The following C1orf94 variants were observed in gnomAD, a reference collection of about 807,000 sequenced individuals.
C1orf94 encodes the protein chromosome 1 open reading frame 94.
C1orf94 carries 45 observed loss-of-function variants against 53.6 expected under a neutral mutation model. The ratio of observed to expected loss-of-function variants is 0.84; its 90% CI spans 0.66 to 1.08. The LOEUF (loss-of-function observed/expected upper bound fraction) is 1.08. C1orf94 is among the 50% of genes least tolerant of loss of function. The pLI, the probability that C1orf94 is intolerant of heterozygous loss-of-function variation, is 0.00. For missense variants in C1orf94, 762 were observed against 738.9 expected, an observed-to-expected ratio of 1.03 and a Z score of -0.36; for synonymous variants, 304 against 296.1, an observed-to-expected ratio of 1.03 and a Z score of -0.27.
chr1:34,194,423 T>C (rs1642547042), intron 1 of C1orf94, among the ~76,000 whole-genome samples: 1 of 152,080 alleles, frequency 6.6e-6, no homozygotes, highest in Admixed American at 6.5e-5. Context: ...ACCTCCCAGG[T>C]GCTGAGAAGG....
upstream of C1orf94, among the ~76,000 whole-genome samples, chr1:34,176,653 C>G (rs1461751124): frequency 1.3e-5 from 2 of 152,036 alleles, no homozygotes; most frequent in African/African-American, 2.4e-5. Context: ...GTACTAATTT[C>G]ACGAGCTTTA....
chr1:34,180,035 A>G (rs1642291493), intron 1 of C1orf94, among the ~76,000 whole-genome samples: 1 of 152,234 alleles, frequency 6.6e-6, no homozygotes, highest in Non-Finnish European at 1.5e-5. Context: ...TATTCTTAAA[A>G]TAAAGGCGGT....
chr1:34,173,173 A>G (rs1286546801), upstream of C1orf94, among the ~76,000 whole-genome samples: 3 of 152,370 alleles, frequency 2.0e-5, no homozygotes, highest in East Asian at 3.8e-4. Context: ...TTCTCACTGC[A>G]CAAGATTTCT....
At chr1:34,213,827 C>T (rs879594311) in intron 6 of C1orf94, among the ~76,000 whole-genome samples, 5 of 152,126 alleles carry the variant, frequency 3.3e-5, no homozygotes, top group Non-Finnish European at 4.4e-5. Flanking sequence ...AGCCATGAGC[C>T]ACCGTGCCCA....
rs559911929 is a variant in C1orf94, at chr1:34,183,150, G to T, written c.320+5041G>T. The stretch of plus-strand genomic sequence containing the variant: ...GTGTGCCATTTACAAAGGTGGGGAA[G>T]AAATGGGGAGCAATGGGTTTTGGGG... On this transcript the variant is annotated intron_variant, in intron 1 of 6. Coordinates refer to ENST00000488417, the MANE Select transcript of C1orf94 (RefSeq NM_001134734.2). Among the ~76,000 whole-genome samples the T allele has an allele frequency of 1.1e-4, 17 of 152,356 alleles. No homozygotes were observed. The East Asian group carries it at 3.3e-3, about 29-fold the overall frequency.
intron 4 of C1orf94, among the ~76,000 whole-genome samples, chr1:34,205,231 G>T (rs553879432): frequency 2.0e-5 from 3 of 152,298 alleles, no homozygotes; most frequent in Non-Finnish European, 4.4e-5. Context: ...GGCTGGTAAG[G>T]CCTGCTGGGT....
At chr1:34,175,561 T>C (rs886222900), upstream of C1orf94, among the ~76,000 whole-genome samples, 1 of 152,148 alleles carries the variant, frequency 6.6e-6, no homozygotes, top group African/African-American at 2.4e-5. Context: ...CAAAGGAGAA[T>C]GAAGCTCAGA....
At position 34,197,312 on chromosome 1, in the gene C1orf94, G is replaced by A; in HGVS notation, c.408G>A (p.Leu136=). ...GCCTCACCAAAGAGCACTCGATCCTGGTCGAAGAGAGTTCTGGGGAGCTGG... is the reference window on the plus strand; with the variant it reads ...GCCTCACCAAAGAGCACTCGATCCTAGTCGAAGAGAGTTCTGGGGAGCTGG... ...FLSLTKEHSI[L]VEESSGELEV... Residue 136 remains leucine (L), a synonymous_variant, in exon 2 of 7, where the codon CTG becomes CTA. Transcript: ENST00000488417. This position sits in a 1 kb window ranked among gnomAD's most constrained non-coding sequence, Gnocchi z 4.1. The A allele has an allele frequency of 6.4e-7, 1 of 1,562,994 alleles. No homozygotes were observed. Among genetic ancestry groups the A allele is most frequent in the Non-Finnish European group, 8.7e-7 (1 of 1,153,094 alleles).
chr1:34,168,252 T>C (rs1254230320), intron 1 of C1orf94, among the ~76,000 whole-genome samples: 1 of 152,160 alleles, frequency 6.6e-6, no homozygotes, highest in Non-Finnish European at 1.5e-5. Flanking sequence ...CACTCCAGCC[T>C]GGGTGACAGA....
chr1:34,217,256 T>A (rs1020365496), intron 6 of C1orf94, among the ~76,000 whole-genome samples: 1 of 152,158 alleles, frequency 6.6e-6, no homozygotes, highest in South Asian at 2.1e-4. Context: ...CCCTCTAGCG[T>A]ACATACTGTC....
intron 5 of C1orf94, among the ~76,000 whole-genome samples, chr1:34,209,550 C>A (rs1297773994): frequency 6.6e-6 from 1 of 152,180 alleles, no homozygotes; most frequent in African/African-American, 2.4e-5. Flanking sequence ...TGGACACCCC[C>A]ACACTCCAAC....
Position 34,197,074 on chromosome 1 carries a change from G to A in C1orf94, c.321-151G>A. On this transcript the variant is annotated intron_variant, in intron 1 of 6. Coordinates refer to ENST00000488417, the MANE Select transcript of C1orf94 (RefSeq NM_001134734.2). This position sits in a 1 kb window ranked among gnomAD's most constrained non-coding sequence, Gnocchi z 4.1. ...CCGCTGTGGTATAGGACCCTCTGGG[G>A]GTCCAGTGTGTCTGCTGGGTTATCT... The A allele has an allele frequency of 1.4e-6, 1 of 698,172 alleles. No individual in the cohort carries two copies. Among genetic ancestry groups the A allele is most frequent in the Non-Finnish European group, 2.4e-6 (1 of 421,092 alleles). 43.2% of individuals were successfully genotyped at this position (698,172 alleles called of 1,614,324 possible).
intron 1 of C1orf94, among the ~76,000 whole-genome samples, chr1:34,167,426 G>A (rs1642056832): frequency 6.6e-6 from 1 of 152,224 alleles, no homozygotes; most frequent in South Asian, 2.1e-4. Context: ...TTGCTCTGTG[G>A]CTGCAACGGG....
intron 1 of C1orf94, among the ~76,000 whole-genome samples, chr1:34,186,802 T>C (rs1434827596): frequency 6.6e-6 from 1 of 152,214 alleles, no homozygotes; most frequent in Non-Finnish European, 1.5e-5. Context: ...ACCTGGCACA[T>C]ATCGTGTGCT....
chr1:34,176,313 A>G (rs1256626042), upstream of C1orf94, among the ~76,000 whole-genome samples: 2 of 152,138 alleles, frequency 1.3e-5, no homozygotes, highest in African/African-American at 4.8e-5. Flanking sequence ...TTTCAGGGGA[A>G]TTGCTAGAGA....
In C1orf94 at chr1:34,178,076, C is replaced by G. The variant is rs1642257354; in HGVS notation, c.287C>G (p.Thr96Ser). 1.3e-6 allele frequency: 2 copies of G among 1,551,702 alleles called. No individual in the cohort carries two copies. The highest frequency in any genetic ancestry group is 4.9e-5 in the East Asian group (2 of 40,910). ...CAGCTCTCTGTCCCTGTGGTTGGAA[C>G]TCTAAGAGGCAATGAGCTCAGCTTT... ...MEQLSVPVVGTLRGNELSFQE... is the reference protein window; with the variant it reads ...MEQLSVPVVGSLRGNELSFQE... Residue 96 changes from threonine (T) to serine (S), a missense_variant, in exon 1 of 7, where the codon ACT becomes AGT. Physicochemically the swap from Thr to Ser is moderately conservative, Grantham distance 58. Transcript: ENST00000488417.
chr1:34,202,302 T>G (rs1642724562), intron 4 of C1orf94, 43 bp downstream of exon 4: 3 of 1,591,418 alleles, frequency 1.9e-6, no homozygotes, highest in Non-Finnish European at 2.6e-6. Context: ...TCCACGGGGG[T>G]TTTGGCCACA....
upstream of C1orf94, among the ~76,000 whole-genome samples, chr1:34,176,818 T>G (rs1205408605): frequency 6.6e-6 from 1 of 152,192 alleles, no homozygotes; most frequent in Non-Finnish European, 1.5e-5. Flanking sequence ...GGCTTTGACT[T>G]CTGATCCCCC....
intron 3 of C1orf94, among the ~76,000 whole-genome samples, 198 bp from the exon 4 acceptor site, chr1:34,201,886 C>A (rs1443234702): frequency 6.6e-6 from 1 of 152,176 alleles, no homozygotes; most frequent in Middle Eastern, 3.2e-3. Flanking sequence ...GATTTTCATC[C>A]CTTCCAAACT....
Sources: gnomAD v4.1 joint callset for allele counts (sites outside exome capture counted in the v4.1 genomes callset) on GRCh38, gnomAD v4.1.1 for gene constraint, Gnocchi (gnomAD v3.1) non-coding constraint, MANE v1.5 for transcripts, NCBI Gene and HGNC (gene_info 2026-07-23, HGNC 2026-07-21) for gene names.